Variants in DKK2 observed in about 807,000 individuals in gnomAD.
DKK2 encodes dickkopf Wnt signaling pathway inhibitor 2, also known as dickkopf-related protein 2.
Under a neutral mutation model 28.1 loss-of-function variants are expected in DKK2, and 11 were observed. The observed-to-expected ratio is 0.39, with a 90% CI of 0.25 to 0.65. The LOEUF is 0.65. Ranked by LOEUF, DKK2 falls within the 30% of genes least tolerant of loss-of-function variation. DKK2 has a pLI of 0.47. For synonymous variants in DKK2, 135 were observed against 126.5 expected (o/e 1.07, Z -0.45); for missense variants, 326 against 335.5 (o/e 0.97, Z 0.22).
At chr4:107,024,296 G>A (rs189818715) in intron 1 of DKK2, among the ~76,000 whole-genome samples, 23 of 152,190 alleles carry the variant, frequency 1.5e-4, no homozygotes, top group Non-Finnish European at 3.1e-4. Flanking sequence ...AAGACATAGG[G>A]CTCTTCTTGA....
intron 1 of DKK2, among the ~76,000 whole-genome samples, chr4:106,937,485 C>T (rs1399005142): frequency 7.2e-6 from 1 of 138,928 alleles, no homozygotes. Context: ...GAGTGACCTA[C>T]AAAGAGACTT....
rs1479818255 is a variant in DKK2, at chr4:106,962,489, CTATGTGTGTGTGTG to C, written c.223-36554_223-36541del. ...TCTTCAAGAAATGGAGCCAGAAAAA[CTATGTGTGTGTGTG>C]TGTGTGTGTGTGTGTGTGTGTGTGT... On this transcript the variant is annotated intron_variant, in intron 1 of 3. Coordinates refer to ENST00000285311, the MANE Select transcript of DKK2 (RefSeq NM_014421.3). Among the ~76,000 whole-genome samples, 52 of 113,124 alleles carry C rather than the reference CTATGTGTGTGTGTG, an allele frequency of 4.6e-4. 1 individual carries two copies. The highest frequency in any genetic ancestry group is 8.9e-3 in the Middle Eastern group (2 of 224). 74.2% of individuals were successfully genotyped at this position (113,124 alleles called of 152,430 possible).
chr4:107,014,273 T>A (rs2110370381), intron 1 of DKK2, among the ~76,000 whole-genome samples: 1 of 151,658 alleles, frequency 6.6e-6, no homozygotes, highest in Admixed American at 6.6e-5. Flanking sequence ...AAAGAAAATG[T>A]GGCATATATA....
At chr4:107,001,496 T>G (rs1723358671) in intron 1 of DKK2, among the ~76,000 whole-genome samples, 1 of 152,188 alleles carries the variant, frequency 6.6e-6, no homozygotes, top group Non-Finnish European at 1.5e-5. Flanking sequence ...CATTCAGGAT[T>G]GCATTAAGGA....
chr4:106,959,400 C>T (rs559233937), intron 1 of DKK2, among the ~76,000 whole-genome samples: 146 of 152,182 alleles, frequency 9.6e-4, no homozygotes, highest in African/African-American at 3.2e-3. Context: ...CTGTACTCAA[C>T]CCAAGGAAAT....
At chr4:106,936,561 A>G (rs1025514263) in intron 1 of DKK2, among the ~76,000 whole-genome samples, 9 of 152,216 alleles carry the variant, frequency 5.9e-5, no homozygotes, top group African/African-American at 2.2e-4. Flanking sequence ...TATCCAGGAG[A>G]ACTTCCCCAA....
At chr4:106,989,978 G>A (rs1316322462) in intron 1 of DKK2, among the ~76,000 whole-genome samples, 1 of 152,026 alleles carries the variant, frequency 6.6e-6, no homozygotes, top group Non-Finnish European at 1.5e-5. Context: ...TATTTTAACA[G>A]AAATGAATAT....
At chr4:106,990,931 T>A (rs1443469872) in intron 1 of DKK2, among the ~76,000 whole-genome samples, 3 of 152,048 alleles carry the variant, frequency 2.0e-5, no homozygotes, top group Admixed American at 1.3e-4. Flanking sequence ...ATGACAGTCA[T>A]AAAGCAGCTG....
At chr4:106,986,079 A>T (rs186266574) in intron 1 of DKK2, among the ~76,000 whole-genome samples, 99 of 152,254 alleles carry the variant, frequency 6.5e-4, no homozygotes, top group South Asian at 2.7e-3. Context: ...ATTCAATTTA[A>T]TGCCCACAGT....
At chr4:106,991,083 A>G (rs1723197161) in intron 1 of DKK2, among the ~76,000 whole-genome samples, 1 of 152,152 alleles carries the variant, frequency 6.6e-6, no homozygotes, top group Non-Finnish European at 1.5e-5. Context: ...AAAACTTTTG[A>G]AAAAAGAGTT....
At chr4:106,958,520 A>G (rs1722636196) in intron 1 of DKK2, among the ~76,000 whole-genome samples, 1 of 152,082 alleles carries the variant, frequency 6.6e-6, no homozygotes, top group Admixed American at 6.6e-5. Context: ...AGTATTTTTG[A>G]AGGATATAGT....
intron 1 of DKK2, among the ~76,000 whole-genome samples, chr4:107,025,732 C>T (rs927965864): frequency 6.6e-6 from 1 of 152,138 alleles, no homozygotes; most frequent in Non-Finnish European, 1.5e-5. Context: ...GTCGAAGCCA[C>T]TTCCTTTCAT....
At chr4:107,010,449 T>A (rs1723500334) in intron 1 of DKK2, among the ~76,000 whole-genome samples, 1 of 151,740 alleles carries the variant, frequency 6.6e-6, no homozygotes, top group African/African-American at 2.4e-5. Context: ...ATTTAAATAA[T>A]CCTTCTAAGA....
intron 1 of DKK2, among the ~76,000 whole-genome samples, chr4:107,016,560 T>A (rs1220975548): frequency 2.6e-5 from 4 of 152,000 alleles, no homozygotes; most frequent in Non-Finnish European, 4.4e-5. Context: ...CTAAATTATT[T>A]TTTGGTGAGC....
intron 1 of DKK2, among the ~76,000 whole-genome samples, chr4:106,976,201 A>C (rs576590505): frequency 6.6e-6 from 1 of 152,316 alleles, no homozygotes; most frequent in South Asian, 2.1e-4. Flanking sequence ...TGGTGCTGAG[A>C]AGAATGTATA....
At chr4:106,991,563 T>G (rs1049612221) in intron 1 of DKK2, among the ~76,000 whole-genome samples, 1 of 152,166 alleles carries the variant, frequency 6.6e-6, no homozygotes, top group Non-Finnish European at 1.5e-5. Context: ...ATAACTTGAA[T>G]TTAACCTACA....
chr4:106,964,028 G>C (rs190463310), intron 1 of DKK2, among the ~76,000 whole-genome samples: 1 of 152,122 alleles, frequency 6.6e-6, no homozygotes, highest in Non-Finnish European at 1.5e-5. Context: ...TTTTCTATGT[G>C]TCTGTTTTTA....
chr4:106,972,843 A>G (rs750300265), intron 1 of DKK2, among the ~76,000 whole-genome samples: 3 of 152,040 alleles, frequency 2.0e-5, no homozygotes, highest in African/African-American at 7.2e-5. Context: ...GCACCCACCA[A>G]TCTGTCATTT....
chr4:106,961,950 G>A (rs1578358780), intron 1 of DKK2, among the ~76,000 whole-genome samples: 1 of 152,206 alleles, frequency 6.6e-6, no homozygotes, highest in Non-Finnish European at 1.5e-5. Flanking sequence ...CTTGTCATCA[G>A]GGCAAAGCTT....
Sources: allele counts gnomAD v4.1 joint callset (sites outside exome capture counted in the v4.1 genomes callset), GRCh38; gene constraint gnomAD v4.1.1; transcripts MANE v1.5; gene names NCBI Gene and HGNC (gene_info 2026-07-23, HGNC 2026-07-21).